KIF3C: variants seen among roughly 807,000 people sequenced by gnomAD.
The protein encoded by KIF3C is kinesin family member 3C.
A neutral mutation model predicts 67.7 loss-of-function variants in KIF3C; 12 were observed. The observed-to-expected ratio is 0.18, with a 90% CI of 0.11 to 0.29. KIF3C has a LOEUF of 0.29. KIF3C is among the 10% of genes least tolerant of loss of function. KIF3C has a pLI of 1.00. For missense variants in KIF3C, 789 were observed against 1,059.6 expected (o/e 0.74, Z 3.55); for synonymous variants, 393 against 426.2 (o/e 0.92, Z 0.96).
chr2:25,948,622 G>GAGAGAAAGAGAGAGAGAA (rs1405439038), intron 5 of KIF3C, among the ~76,000 whole-genome samples: 6 of 96,746 alleles, frequency 6.2e-5, no homozygotes, highest in Admixed American at 2.7e-4. Flanking sequence ...GAAAGAGAAA[G>GAGAGAAAGAGAGAGAGAA]AGAGAAAGAG....
intron 1 of KIF3C, among the ~76,000 whole-genome samples, chr2:25,962,977 ATATAATATATAAT>A: frequency 2.1e-5 from 1 of 47,092 alleles, no homozygotes; most frequent in South Asian, 4.9e-4. Context: ...AATATATAAT[ATATAATATATAAT>A]ATATATAATA....
rs186756369 is a variant in KIF3C, at chr2:25,946,847, C to T, written c.2006+4942G>A. Among the ~76,000 whole-genome samples, 755 of 149,128 alleles carry T rather than the reference C, an allele frequency of 5.1e-3. 4 individuals carry two copies. Among genetic ancestry groups the T allele is most frequent in the African/African-American group, 0.018 (710 of 40,504 alleles). On this transcript the variant is annotated intron_variant, in intron 5 of 7. Coordinates refer to ENST00000264712, the MANE Select transcript of KIF3C (RefSeq NM_002254.8). ...CTAGCCTGGGGACAGAGCGAGACTC[C>T]ATCTCAAAAAAAAAAAGAAAGAAGG...
chr2:25,929,130 G>A (rs2090436602), intron 7 of KIF3C, 59 bp from the exon 8 acceptor site: 1 of 1,501,126 alleles, frequency 6.7e-7, no homozygotes, highest in Non-Finnish European at 9.2e-7. Context: ...AAACAGGAAA[G>A]TGGGTCCTCT....
chr2:25,936,731 C>T (rs973799992), intron 5 of KIF3C, among the ~76,000 whole-genome samples: 4 of 152,140 alleles, frequency 2.6e-5, no homozygotes, highest in Non-Finnish European at 5.9e-5. Context: ...AGTGATTACA[C>T]TTATGGAAGT....
chr2:25,974,289 C>T (rs550889058), intron 1 of KIF3C, among the ~76,000 whole-genome samples: 1 of 152,258 alleles, frequency 6.6e-6, no homozygotes, highest in Non-Finnish European at 1.5e-5. Context: ...AGGCTGGTCT[C>T]AGTCTCCTGA....
At chr2:25,968,690 C>T (rs1341250445) in intron 1 of KIF3C, among the ~76,000 whole-genome samples, 2 of 152,162 alleles carry the variant, frequency 1.3e-5, no homozygotes, top group Non-Finnish European at 2.9e-5. Flanking sequence ...CTGGGTCACA[C>T]AGCCTCTAGG....
intron 6 of KIF3C, 80 bp from the exon 7 acceptor site, chr2:25,929,557 G>T: frequency 7.8e-7 from 1 of 1,283,404 alleles, no homozygotes; most frequent in Non-Finnish European, 1.1e-6. Context: ...CTTGGGTGTA[G>T]CAGGGCTGAT....
rs777125221 is a variant in KIF3C, at chr2:25,980,535, C to A, written c.1383G>T (p.Leu461=). Residue 461 remains leucine (L), a synonymous_variant, in exon 1 of 8, where the codon CTG becomes CTT. Transcript: ENST00000264712. The surrounding 1 kb of genome is among the most constrained non-coding windows in gnomAD (Gnocchi z 7.6). ...CCTCCAGCCGCTCCTTCTGTTCCTG[C>A]AGGTAATTCTCCATGTTCTTCTCCA... ...SALEKNMENY[L]QEQKERLEEE... The A allele has an allele frequency of 3.1e-6, 5 of 1,614,062 alleles. No individual in the cohort carries two copies. The highest frequency in any genetic ancestry group is 4.2e-6 in the Non-Finnish European group (5 of 1,180,036).
In KIF3C at chr2:25,981,876, C is replaced by T; in HGVS notation, c.42G>A (p.Val14=). ...TCCTGCTGAGGGGGCGGCACCGGGC[C>T]ACCACCTTGAGGGCCTCGCTGGCCT... ...KTKASEALKV[V]ARCRPLSRKE... The change falls in exon 1 of 8, where the codon GTG becomes GTA. Residue 14 remains valine (V), a synonymous_variant. Transcript: ENST00000264712. This position sits in a 1 kb window ranked among gnomAD's most constrained non-coding sequence, Gnocchi z 8.2. 3 of 1,589,088 alleles carry T rather than the reference C, an allele frequency of 1.9e-6. No individual in the cohort carries two copies. The highest frequency in any genetic ancestry group is 1.7e-6 in the Non-Finnish European group (2 of 1,167,994).
rs1260510949 is a variant in KIF3C at position 25,929,314 on chromosome 2, G to C, written c.2279C>G (p.Ser760Cys). The change falls in exon 7 of 8, where the codon TCC (serine) becomes TGC (cysteine). Residue 760 changes from serine to cysteine, a missense_variant. Ser to Cys is a moderately radical substitution (Grantham distance 112, BLOSUM62 -1). Around this residue, in one of 2 missense-constraint regions of KIF3C, gnomAD observed 648 missense variants for 807.8 expected, o/e 0.80. Coordinates refer to ENST00000264712, the MANE Select transcript of KIF3C (RefSeq NM_002254.8). ...CCATGGAGGTACTGACCAGGATCTG[G>C]ACTTTCGGACTTTAGACGTGGAAGG... ...ERPSTSKVRK[S>C]RSWCQSPQRP... The C allele has an allele frequency of 1.2e-6, 2 of 1,614,048 alleles. No homozygotes were observed. Among genetic ancestry groups the C allele is most frequent in the African/African-American group, 1.3e-5 (1 of 75,064 alleles).
intron 5 of KIF3C, among the ~76,000 whole-genome samples, chr2:25,940,373 C>A (rs1036862533): frequency 3.3e-5 from 5 of 151,890 alleles, no homozygotes; most frequent in African/African-American, 9.7e-5. Context: ...GGGTTTGAGA[C>A]CAGCCTGGCC....
At chr2:25,939,464 C>A (rs1356019320) in intron 5 of KIF3C, among the ~76,000 whole-genome samples, 1 of 152,154 alleles carries the variant, frequency 6.6e-6, no homozygotes, top group Non-Finnish European at 1.5e-5. Flanking sequence ...TCCATGCTGT[C>A]CCCGACCCGC....
At chr2:25,953,959 G>A (rs1031351397) in intron 4 of KIF3C, among the ~76,000 whole-genome samples, 2 of 152,062 alleles carry the variant, frequency 1.3e-5, no homozygotes, top group East Asian at 1.9e-4. Flanking sequence ...GAGCCACTGC[G>A]CCCGGCCCTA....
Position 25,980,756 on chromosome 2 carries a change from C to T in KIF3C, c.1162G>A (p.Ala388Thr). ...TLLREFQEEI[A>T]RLKAQLEKRG... is the part of the protein sequence containing the mutation. ...TTCTCCAGCTGGGCCTTCAGGCGGGCAATCTCCTCTTGGAATTCCCGCAGC... is the reference window on the plus strand; with the variant it reads ...TTCTCCAGCTGGGCCTTCAGGCGGGTAATCTCCTCTTGGAATTCCCGCAGC... The change falls in exon 1 of 8, where the codon GCC becomes ACC. Residue 388 changes from alanine (A) to threonine (T), a missense_variant. Around this residue, in one of 2 missense-constraint regions of KIF3C, gnomAD observed 648 missense variants for 807.8 expected, o/e 0.80. Coordinates refer to ENST00000264712, the MANE Select transcript of KIF3C (RefSeq NM_002254.8). This position sits in a 1 kb window ranked among gnomAD's most constrained non-coding sequence, Gnocchi z 7.6. 1 of 1,614,106 alleles carries T rather than the reference C, an allele frequency of 6.2e-7. No individual in the cohort carries two copies. The highest frequency in any genetic ancestry group is 8.5e-7 in the Non-Finnish European group (1 of 1,179,962).
rs61266008 is a variant in KIF3C, at chr2:25,950,553, T to G, written c.2006+1236A>C. Among the ~76,000 whole-genome samples, 3 of 152,220 alleles carry G rather than the reference T, an allele frequency of 2.0e-5. No individual in the cohort carries two copies. In the East Asian group the frequency reaches 5.8e-4, roughly 29 times the overall value. On this transcript the variant is annotated intron_variant, in intron 5 of 7. Coordinates refer to ENST00000264712, the MANE Select transcript of KIF3C (RefSeq NM_002254.8). Reference sequence around the variant, plus strand: ...AACTTTTCTAAGCATAAGATAACCCTTCAGAGTGAAGCCTCGCCAGCATCC... The same window carrying G: ...AACTTTTCTAAGCATAAGATAACCCGTCAGAGTGAAGCCTCGCCAGCATCC...
Position 25,958,338 on chromosome 2 carries a change from TG to T in KIF3C, c.1546-1895del, listed in dbSNP as rs2149235538. ...GCTCATGCCCGTAATCCCAGCACTT[TG>T]GGAAGTTGAGGTGGGCGGATCATCT... On this transcript the variant is annotated intron_variant, in intron 1 of 7. Transcript: ENST00000264712. The surrounding 1 kb of genome is among the most constrained non-coding windows in gnomAD (Gnocchi z 4.5). 1.3e-5 allele frequency among the ~76,000 whole-genome samples: 2 copies of T among 152,244 alleles called. No homozygotes were observed. Among genetic ancestry groups the T allele is most frequent in the South Asian group, 4.1e-4 (2 of 4,826 alleles).
Position 25,939,118 on chromosome 2 carries a change from C to T in KIF3C, c.2007-9055G>A, listed in dbSNP as rs898216322. Among the ~76,000 whole-genome samples, 5 of 152,148 alleles carry T rather than the reference C, an allele frequency of 3.3e-5. No homozygotes were observed. In the East Asian group the frequency reaches 9.6e-4, roughly 29 times the overall value. ...AAGTAGCTGGGATTACAGGTGACAG[C>T]CATCACATCTAGCTAATTTTTGTAT... On this transcript the variant is annotated intron_variant, in intron 5 of 7. Transcript: ENST00000264712.
intron 1 of KIF3C, among the ~76,000 whole-genome samples, chr2:25,966,259 C>T (rs1296625338): frequency 6.6e-6 from 1 of 152,150 alleles, no homozygotes; most frequent in Non-Finnish European, 1.5e-5. Context: ...GTGCCTGCCA[C>T]CACGCCCAGC....
Position 25,929,350 on chromosome 2 carries a change from A to T in KIF3C, c.2243T>A (p.Phe748Tyr). 1 of 1,614,154 alleles carries T rather than the reference A, an allele frequency of 6.2e-7. No individual in the cohort carries two copies. Residue 748 changes from phenylalanine to tyrosine, a missense_variant, in exon 7 of 8, where the codon TTT (phenylalanine) becomes TAT (tyrosine). Phe to Tyr is a conservative substitution (Grantham distance 22). Transcript: ENST00000264712. Reference sequence around the variant, plus strand: ...TTTAGACGTGGAAGGTCTTTCCAGAAAGCTGTCCAATCGCATGAGCCTCTC... The same window carrying T: ...TTTAGACGTGGAAGGTCTTTCCAGATAGCTGTCCAATCGCATGAGCCTCTC... ...HMERLMRLDS[F>Y]LERPSTSKVR...
Sources: gnomAD v4.1 joint callset for allele counts (sites outside exome capture counted in the v4.1 genomes callset) on GRCh38, gnomAD v4.1.1 for gene constraint, gnomAD v4.1.1 regional missense constraint, Gnocchi (gnomAD v3.1) non-coding constraint, MANE v1.5 for transcripts, NCBI Gene and HGNC (gene_info 2026-07-23, HGNC 2026-07-21) for gene names.